INTS4: variants seen among roughly 807,000 people sequenced by gnomAD.
The protein encoded by INTS4 is MSTP093.
Under a neutral mutation model 119.5 loss-of-function variants are expected in INTS4, and 70 were observed. That is an observed-to-expected ratio of 0.59 (90% CI 0.48 to 0.71). The LOEUF (loss-of-function observed/expected upper bound fraction) is 0.71. Among genes scored for constraint, INTS4 ranks in the 30% least tolerant of loss-of-function variants. The probability of loss-of-function intolerance (pLI) is 0.00; values close to 1 mark genes in which losing one functional copy is unlikely to be tolerated. For missense variants in INTS4, 867 were observed against 1,173.2 expected (o/e 0.74, Z 3.81); for synonymous variants, 316 against 419.6 (o/e 0.75, Z 3.02).
intron 13 of INTS4, among the ~76,000 whole-genome samples, chr11:77,921,789 G>A (rs1953367368): frequency 2.0e-5 from 3 of 152,322 alleles, no homozygotes; most frequent in African/African-American, 7.2e-5. Context: ...CCAACACTTT[G>A]GGAGGCTGAG....
At chr11:77,928,298 G>T (rs369543847) in intron 11 of INTS4, 44 bp downstream of exon 11, 7 of 1,599,048 alleles carry the variant, frequency 4.4e-6, no homozygotes, top group Admixed American at 1.7e-5. Flanking sequence ...TTAACAGGGG[G>T]GGGTGAGGGA....
At chr11:77,879,149 T>G (rs1565218218) in intron 22 of INTS4, 22 bp from the exon 23 acceptor site, 9 of 1,613,070 alleles carry the variant, frequency 5.6e-6, no homozygotes, top group Non-Finnish European at 7.6e-6. Context: ...ATAAAAGAAA[T>G]CCTCTATAAC....
intron 7 of INTS4, among the ~76,000 whole-genome samples, chr11:77,956,825 GAC>G (rs974400346): frequency 2.3e-4 from 35 of 151,802 alleles, no homozygotes; most frequent in African/African-American, 7.2e-4. Context: ...AATGAAGACT[GAC>G]ACACACAAAA....
At chr11:77,925,907 A>T (rs899716182) in intron 11 of INTS4, among the ~76,000 whole-genome samples, 1 of 152,220 alleles carries the variant, frequency 6.6e-6, no homozygotes, top group Non-Finnish European at 1.5e-5. Context: ...TCTGTTTATC[A>T]TTCAAGACTC....
chr11:77,885,365 C>A (rs942165323), intron 21 of INTS4, among the ~76,000 whole-genome samples: 1 of 152,086 alleles, frequency 6.6e-6, no homozygotes, highest in African/African-American at 2.4e-5. Context: ...GCGTGAGCCA[C>A]CACACCTGGC....
intron 7 of INTS4, 85 bp downstream of exon 7, chr11:77,958,661 T>C (rs1465726265): frequency 1.3e-5 from 10 of 782,610 alleles, no homozygotes; most frequent in African/African-American, 3.5e-5. Flanking sequence ...CCAACATTTC[T>C]TTTCTAGAAG....
intron 10 of INTS4, among the ~76,000 whole-genome samples, chr11:77,935,911 A>AAAGAGAGAAAAAAGG (rs1953779710): frequency 7.0e-6 from 1 of 142,402 alleles, no homozygotes; most frequent in African/African-American, 2.7e-5. Context: ...AAAAAAAAAG[A>AAAGAGAGAAAAAAGG]AAAGAAGAGG....
At chr11:77,920,884 A>C (rs1467025371) in intron 14 of INTS4, among the ~76,000 whole-genome samples, 1 of 148,946 alleles carries the variant, frequency 6.7e-6, no homozygotes, top group Non-Finnish European at 1.5e-5. Flanking sequence ...AAATAAATAA[A>C]TATATATATA....
At position 77,894,041 on chromosome 11, in the gene INTS4, A is replaced by T. The variant is rs1478070390; in HGVS notation, c.2288+249T>A. Among the ~76,000 whole-genome samples, 11 of 152,126 alleles carry T rather than the reference A, an allele frequency of 7.2e-5. No individual in the cohort carries two copies. The East Asian group carries it at 2.1e-3, about 29-fold the overall frequency. On this transcript the variant is annotated intron_variant, in intron 19 of 22. Transcript: ENST00000534064. ...TCTTTTTATGGCCTAGCTGAGTGCT[A>T]AATGCAAGTGATTCCTGGTAGGTTT...
chr11:77,963,101 T>C (rs147399008), intron 4 of INTS4, among the ~76,000 whole-genome samples: 86 of 152,198 alleles, frequency 5.7e-4, no homozygotes, highest in African/African-American at 2.0e-3. Context: ...AAACTGTTGA[T>C]TGCACCTCTG....
intron 20 of INTS4, 72 bp from the exon 21 acceptor site, chr11:77,891,534 T>C (rs1336816781): frequency 6.3e-7 from 1 of 1,587,434 alleles, no homozygotes; most frequent in East Asian, 2.2e-5. Flanking sequence ...ATCTTTTTTC[T>C]GTCTCCTTAT....
intron 1 of INTS4, among the ~76,000 whole-genome samples, chr11:77,994,134 C>T (rs1231898864): frequency 6.6e-6 from 1 of 152,038 alleles, no homozygotes; most frequent in Non-Finnish European, 1.5e-5. Flanking sequence ...TTCTTTCAGC[C>T]CCTTAGAACC....
Position 77,883,920 on chromosome 11 carries a change from A to G in INTS4, c.2625T>C (p.Ile875=). Residue 875 remains isoleucine (I), a synonymous_variant, in exon 22 of 23, where the codon ATT becomes ATC. Transcript: ENST00000534064. ...VLYPDGQAQM[I]HPKPADFRNP... ...TCCGGAAGTCTGCAGGCTTGGGGTGAATCATCTGAGCCTGGCCATCTGGAT... is the reference window on the plus strand; with the variant it reads ...TCCGGAAGTCTGCAGGCTTGGGGTGGATCATCTGAGCCTGGCCATCTGGAT... 1.2e-6 allele frequency: 2 copies of G among 1,613,390 alleles called. No individual in the cohort carries two copies. The highest frequency in any genetic ancestry group is 1.7e-6 in the Non-Finnish European group (2 of 1,179,684).
intron 2 of INTS4, chr11:77,987,070 A>G (rs960548206): frequency 6.6e-6 from 1 of 152,214 alleles, no homozygotes; most frequent in Admixed American, 6.5e-5. Flanking sequence ...TTATTTTCAT[A>G]AGAATCTGGT....
rs750978041 is a variant in INTS4 at position 77,994,657 on chromosome 11, C to T, written c.-14G>A. 6.2e-6 allele frequency: 10 copies of T among 1,614,104 alleles called. No homozygotes were observed. Among genetic ancestry groups the T allele is most frequent in the East Asian group, 2.2e-5 (1 of 44,884 alleles). On this transcript the variant is annotated 5_prime_UTR_variant, in exon 1 of 23. Coordinates refer to ENST00000534064, the MANE Select transcript of INTS4 (RefSeq NM_033547.4). The stretch of plus-strand genomic sequence containing the variant: ...GTGCGCCGCCATGCCTACCCGCGGG[C>T]CCTCTCAGCTTCCGTACACTAGGAG...
intron 14 of INTS4, among the ~76,000 whole-genome samples, chr11:77,919,271 G>T (rs1293517320): frequency 6.7e-6 from 1 of 148,460 alleles, no homozygotes; most frequent in African/African-American, 2.5e-5. Flanking sequence ...ACCCTAGGAA[G>T]GAGACTAAAA....
At chr11:77,878,057 G>T (rs1951647880), downstream of INTS4, among the ~76,000 whole-genome samples, 1 of 152,054 alleles carries the variant, frequency 6.6e-6, no homozygotes, top group Admixed American at 6.5e-5. Context: ...AATAATGGCA[G>T]GCAAGATCAA....
chr11:77,975,565 G>C (rs541739199), intron 4 of INTS4, among the ~76,000 whole-genome samples: 1 of 151,964 alleles, frequency 6.6e-6, no homozygotes, highest in African/African-American at 2.4e-5. Flanking sequence ...TAGAAACAGC[G>C]GTTGTAGTTA....
At chr11:77,980,719 A>G (rs11533287) in intron 3 of INTS4, among the ~76,000 whole-genome samples, 56,071 of 152,098 alleles carry the variant, frequency 0.37, 10,773 homozygotes, top group African/African-American at 0.46. Context: ...GGCCGGGCAC[A>G]GTGGCTCACG....
Sources: gnomAD v4.1 joint callset for allele counts (sites outside exome capture counted in the v4.1 genomes callset) on GRCh38, gnomAD v4.1.1 for gene constraint, MANE v1.5 for transcripts, NCBI Gene and HGNC (gene_info 2026-07-23, HGNC 2026-07-21) for gene names.